The following MAN2A1 variants were observed in gnomAD, a reference collection of about 807,000 sequenced individuals.
MAN2A1 encodes the protein alpha-mannosidase 2.
A neutral mutation model predicts 142.6 loss-of-function variants in MAN2A1; 76 were observed. That is an observed-to-expected ratio of 0.53 (90% CI 0.44 to 0.65). The LOEUF is 0.65. Ranked by LOEUF, MAN2A1 falls within the 30% of genes least tolerant of loss-of-function variation. The probability of loss-of-function intolerance (pLI) is 0.00; values close to 1 mark genes in which losing one functional copy is unlikely to be tolerated. For missense variants in MAN2A1, 1,311 were observed against 1,365.1 expected (o/e 0.96, Z 0.62); for synonymous variants, 559 against 473.2 (o/e 1.18, Z -2.35).
At chr5:109,729,223 T>C in intron 3 of MAN2A1, 119 bp from the exon 4 acceptor site, 1 of 583,932 alleles carries the variant, frequency 1.7e-6, no homozygotes, top group Non-Finnish European at 2.9e-6. Flanking sequence ...CTGTTAAATT[T>C]AAAAATATGT....
chr5:109,824,312 C>G (rs1305805611), intron 16 of MAN2A1, among the ~76,000 whole-genome samples: 1 of 152,124 alleles, frequency 6.6e-6, no homozygotes, highest in Non-Finnish European at 1.5e-5. Context: ...TAAAACCTAG[C>G]AATTGTTTAT....
intron 20 of MAN2A1, among the ~76,000 whole-genome samples, chr5:109,861,820 G>T (rs1186514639): frequency 6.6e-6 from 1 of 152,146 alleles, no homozygotes; most frequent in Non-Finnish European, 1.5e-5. Flanking sequence ...TATTTTTCTT[G>T]TGTCTTCAGT....
At chr5:109,837,062 T>A (rs1477564003) in intron 16 of MAN2A1, among the ~76,000 whole-genome samples, 1 of 149,050 alleles carries the variant, frequency 6.7e-6, no homozygotes, top group East Asian at 2.0e-4. Context: ...TTCATTTCCC[T>A]GTTGAAGGGC....
chr5:109,769,558 G>C (rs906157578), intron 6 of MAN2A1, among the ~76,000 whole-genome samples: 2 of 152,122 alleles, frequency 1.3e-5, no homozygotes, highest in African/African-American at 4.8e-5. Context: ...CTACTAGGTA[G>C]GTCCTCCAGT....
intron 3 of MAN2A1, among the ~76,000 whole-genome samples, chr5:109,725,841 C>G (rs1335543598): frequency 1.3e-5 from 2 of 152,128 alleles, no homozygotes; most frequent in Non-Finnish European, 2.9e-5. Context: ...TTACTAGGTG[C>G]TTAATTGTTC....
chr5:109,797,451 G>T (rs1753893591), intron 12 of MAN2A1, among the ~76,000 whole-genome samples: 1 of 152,068 alleles, frequency 6.6e-6, no homozygotes, highest in Non-Finnish European at 1.5e-5. Flanking sequence ...TGATGCTGAA[G>T]AGTAAAGCTG....
At chr5:109,767,507 A>C (rs762741902) in intron 5 of MAN2A1, 28 bp from the exon 6 acceptor site, 2 of 1,588,686 alleles carry the variant, frequency 1.3e-6, no homozygotes, top group Middle Eastern at 1.7e-4. Flanking sequence ...CAATTAAAAA[A>C]ATTAACACTT....
At chr5:109,855,032 A>C in intron 19 of MAN2A1, 108 bp from the exon 20 acceptor site, 4 of 532,636 alleles carry the variant, frequency 7.5e-6, no homozygotes, top group Non-Finnish European at 1.2e-5. Flanking sequence ...AATGTAATGA[A>C]ACCAAATTAT....
intron 5 of MAN2A1, among the ~76,000 whole-genome samples, chr5:109,758,976 C>T (rs939351713): frequency 6.6e-6 from 1 of 152,008 alleles, no homozygotes; most frequent in Non-Finnish European, 1.5e-5. Flanking sequence ...ACCGTACTGT[C>T]TTGATTACTA....
intron 1 of MAN2A1, among the ~76,000 whole-genome samples, chr5:109,698,217 T>C (rs1750869690): frequency 6.6e-6 from 1 of 152,330 alleles, no homozygotes; most frequent in East Asian, 1.9e-4. Flanking sequence ...AAGCTGTAAA[T>C]AGAAGATGGA....
At chr5:109,819,478 G>GT (rs1176445738) in intron 13 of MAN2A1, among the ~76,000 whole-genome samples, 191 bp from the exon 14 acceptor site, 167 of 148,296 alleles carry the variant, frequency 1.1e-3, no homozygotes, top group South Asian at 9.8e-3. Context: ...TTTGTTTTTT[G>GT]TTTTTTTTTC....
intron 4 of MAN2A1, among the ~76,000 whole-genome samples, chr5:109,753,186 A>G (rs1246696327): frequency 6.6e-6 from 1 of 152,238 alleles, no homozygotes; most frequent in Non-Finnish European, 1.5e-5. Context: ...TAATTAGATA[A>G]TAAATCTCAT....
Position 109,866,829 on chromosome 5 carries a change from T to C in MAN2A1, c.3283-17T>C. Reference sequence around the variant, plus strand: ...AAAGTTGATCTAAATATGTAAATTTTATCATTTACTTTTCAGATATTGGTA... The same window carrying C: ...AAAGTTGATCTAAATATGTAAATTTCATCATTTACTTTTCAGATATTGGTA... On this transcript the variant is annotated splice_polypyrimidine_tract_variant and intron_variant, in intron 21 of 21. Coordinates refer to ENST00000261483, the MANE Select transcript of MAN2A1 (RefSeq NM_002372.4). 1 of 1,554,928 alleles carries C rather than the reference T, an allele frequency of 6.4e-7. No individual in the cohort carries two copies. The highest frequency in any genetic ancestry group is 8.8e-7 in the Non-Finnish European group (1 of 1,132,554).
rs79861508 is a variant in MAN2A1, at chr5:109,742,084, G to A, written c.707+12571G>A. 8.6e-3 allele frequency among the ~76,000 whole-genome samples: 1,313 copies of A among 152,328 alleles called. 28 individuals are homozygous for A. The highest frequency in any genetic ancestry group is 0.03 in the African/African-American group (1,251 of 41,568). ...GTGAACCCTTATTGAGAGTCAGGCA[G>A]CTGAAACATTAGCCTTAGCATTTCC... On this transcript the variant is annotated intron_variant, in intron 4 of 21. Transcript: ENST00000261483.
chr5:109,692,275 A>G (rs1750692496), intron 1 of MAN2A1, among the ~76,000 whole-genome samples: 1 of 152,204 alleles, frequency 6.6e-6, no homozygotes, highest in Non-Finnish European at 1.5e-5. Context: ...AGCGTAAAGC[A>G]TTTGATGAAA....
chr5:109,767,551 C>T lies in MAN2A1; in HGVS notation c.852C>T (p.Ser284=), dbSNP rs745391637. 29 of 1,611,896 alleles carry T rather than the reference C, an allele frequency of 1.8e-5. No individual in the cohort carries two copies. The highest frequency in any genetic ancestry group is 4.5e-5 in the East Asian group (2 of 44,860). Residue 284 remains serine, a synonymous_variant, in exon 6 of 22, where the codon TCC becomes TCT. Coordinates refer to ENST00000261483, the MANE Select transcript of MAN2A1 (RefSeq NM_002372.4). ...TATCCACAGGAGTGAAACCTCGGTC[C>T]GGCTGGGCTATTGATCCCTTTGGAC... The part of the protein sequence containing the change: ...LENNIGVKPR[S]GWAIDPFGHS...
chr5:109,818,770 T>C (rs572185885), intron 13 of MAN2A1, among the ~76,000 whole-genome samples: 68 of 152,306 alleles, frequency 4.5e-4, no homozygotes, highest in Non-Finnish European at 8.5e-4. Context: ...GGTTCACATA[T>C]TGGATAAAAA....
intron 4 of MAN2A1, among the ~76,000 whole-genome samples, chr5:109,752,023 A>G (rs1752561490): frequency 6.6e-6 from 1 of 152,196 alleles, no homozygotes; most frequent in Non-Finnish European, 1.5e-5. Flanking sequence ...ATGCATTACT[A>G]CAAAGTGACT....
At chr5:109,838,966 G>A (rs1755126815) in intron 16 of MAN2A1, among the ~76,000 whole-genome samples, 1 of 152,088 alleles carries the variant, frequency 6.6e-6, no homozygotes, top group South Asian at 2.1e-4. Flanking sequence ...ATGCTTTCTG[G>A]AGATACATGA....
Sources: allele counts gnomAD v4.1 joint callset (sites outside exome capture counted in the v4.1 genomes callset), GRCh38; gene constraint gnomAD v4.1.1; transcripts MANE v1.5; gene names NCBI Gene and HGNC (gene_info 2026-07-23, HGNC 2026-07-21).